Variants in ACADM observed in about 807,000 individuals in gnomAD.
The protein encoded by ACADM is acyl-CoA dehydrogenase medium chain.
In ACADM, 49 loss-of-function variants were observed where a neutral mutation model predicts 58.9. The observed-to-expected ratio is 0.83, with a 90% confidence interval of 0.66 to 1.06. The LOEUF is 1.06. Ranked by LOEUF, ACADM falls within the 50% of genes least tolerant of loss-of-function variation. ACADM has a pLI of 0.00. For synonymous variants in ACADM, 160 were observed against 157.7 expected, an observed-to-expected ratio of 1.01 and a Z score of -0.11; for missense variants, 496 against 507.0, an observed-to-expected ratio of 0.98 and a Z score of 0.21.
intron 2 of ACADM, among the ~76,000 whole-genome samples, chr1:75,732,121 C>A (rs1218183866): frequency 1.3e-5 from 2 of 151,086 alleles, no homozygotes; most frequent in Non-Finnish European, 1.5e-5. Flanking sequence ...CACTGCACTC[C>A]AGCCTGAGTG....
chr1:75,735,404 A>G (rs1647229948), intron 6 of ACADM, among the ~76,000 whole-genome samples: 1 of 150,788 alleles, frequency 6.6e-6, no homozygotes, highest in Non-Finnish European at 1.5e-5. Context: ...TGTTTTTGGG[A>G]TGTCAAAAAG....
At chr1:75,726,284 C>T (rs575165365) in intron 1 of ACADM, among the ~76,000 whole-genome samples, 1 of 151,132 alleles carries the variant, frequency 6.6e-6, no homozygotes, top group East Asian at 2.0e-4. Context: ...TAGCATATGC[C>T]TGTAATCCCA....
intron 5 of ACADM, 43 bp downstream of exon 5, chr1:75,733,671 A>G: frequency 6.9e-7 from 1 of 1,458,466 alleles, no homozygotes. Flanking sequence ...AGCTCTTGTT[A>G]ATGAGATAGT....
At chr1:75,745,050 C>T (rs1183423613) in intron 7 of ACADM, among the ~76,000 whole-genome samples, 1 of 152,114 alleles carries the variant, frequency 6.6e-6, no homozygotes, top group Non-Finnish European at 1.5e-5. Flanking sequence ...ATGCCTGAAA[C>T]CTCAGAAATA....
Position 75,742,065 on chromosome 1 carries a change from C to A in ACADM, c.599+1955C>A, listed in dbSNP as rs577131838. ...TTTAATTTGCATTTAAAATCAGTTT[C>A]TTTAAATACTTTAGTTACAAGTTCT... On this transcript the variant is annotated intron_variant, in intron 7 of 11. Transcript: ENST00000370841. Among the ~76,000 whole-genome samples, 7 of 152,202 alleles carry A rather than the reference C, an allele frequency of 4.6e-5. No homozygotes were observed. The South Asian group carries it at 1.5e-3, about 32-fold the overall frequency.
rs771978135 is a variant in ACADM, at chr1:75,761,210, A to T, written c.1034A>T (p.Asp345Val). Reference sequence around the variant, plus strand: ...TACCAGAGAGCAGCTTGGGAGGTTGATTCTGGTCGTCGAAATACCTATTAT... The same window carrying T: ...TACCAGAGAGCAGCTTGGGAGGTTGTTTCTGGTCGTCGAAATACCTATTAT... Reference protein sequence around the residue: ...MSYQRAAWEVDSGRRNTYYAS... With the variant: ...MSYQRAAWEVVSGRRNTYYAS... Residue 345 changes from aspartate to valine, a missense_variant, in exon 11 of 12, where the codon GAT becomes GTT. Physicochemically the swap from Asp to Val is radical, Grantham distance 152. Transcript: ENST00000370841. 1 of 1,614,200 alleles carries T rather than the reference A, an allele frequency of 6.2e-7. No homozygotes were observed. The highest frequency in any genetic ancestry group is 1.7e-5 in the Admixed American group (1 of 60,028).
At chr1:75,762,097 TG>T (rs780900348) in intron 11 of ACADM, among the ~76,000 whole-genome samples, 2 of 152,228 alleles carry the variant, frequency 1.3e-5, no homozygotes, top group Non-Finnish European at 2.9e-5. Flanking sequence ...CAGGTTTATG[TG>T]GTGATACTCT....
At chr1:75,758,564 G>C (rs1415303965) in intron 10 of ACADM, among the ~76,000 whole-genome samples, 1 of 152,158 alleles carries the variant, frequency 6.6e-6, no homozygotes, top group Non-Finnish European at 1.5e-5. Context: ...GGACTTGTCT[G>C]TCTAGCTAGA....
chr1:75,731,142 G>A (rs946288751), intron 2 of ACADM, among the ~76,000 whole-genome samples: 9 of 151,678 alleles, frequency 5.9e-5, no homozygotes, highest in Non-Finnish European at 1.2e-4. Flanking sequence ...AGCCGGGCGC[G>A]GTGGCAGGCA....
chr1:75,760,090 T>C (rs1247839077), intron 10 of ACADM, among the ~76,000 whole-genome samples: 1 of 151,268 alleles, frequency 6.6e-6, no homozygotes, highest in Non-Finnish European at 1.5e-5. Flanking sequence ...TGGAACAGCC[T>C]GGGCAACATA....
chr1:75,732,880 T>C lies in ACADM; in HGVS notation c.244T>C (p.Trp82Arg). The change falls in exon 4 of 12, where the codon TGG (tryptophan) becomes CGG (arginine). Residue 82 changes from tryptophan (W) to arginine (R), a missense_variant. Transcript: ENST00000370841. ...EYPVPLIRRA[W>R]ELGLMNTHIP... ...TCCAGTCCCCCTAATTAGAAGAGCC[T>C]GGGAACTTGGTTTAATGAACACACA... The C allele has an allele frequency of 6.2e-7, 1 of 1,613,964 alleles. No homozygotes were observed.
intron 1 of ACADM, among the ~76,000 whole-genome samples, chr1:75,725,492 T>C (rs915017365): frequency 1.3e-5 from 2 of 152,264 alleles, no homozygotes; most frequent in Non-Finnish European, 2.9e-5. Context: ...GCTGGTGTTA[T>C]GCAAGTTAAT....
In ACADM at chr1:75,749,764, G is replaced by C. The variant is rs76713335; in HGVS notation, c.849+205G>C. Among the ~76,000 whole-genome samples, 6,942 of 141,762 alleles carry C rather than the reference G, an allele frequency of 0.049. 257 individuals carry two copies. The highest frequency in any genetic ancestry group is 0.11 in the African/African-American group (4,158 of 37,810). The allele number at this position is 141,762 out of a possible 152,430, so 93.0% of individuals were successfully genotyped here. ...AGTCTCACTCTGTCACCAGGATGGA[G>C]TGCAGTGGTGCAATCTCAGCTCATT... is the stretch of plus-strand genomic sequence containing the variant. On this transcript the variant is annotated intron_variant, in intron 9 of 11. Transcript: ENST00000370841.
chr1:75,763,571 G>GA lies in ACADM; in HGVS notation c.*814dup, dbSNP rs565256498. On this transcript the variant is annotated 3_prime_UTR_variant, in exon 12 of 12. Coordinates refer to ENST00000370841, the MANE Select transcript of ACADM (RefSeq NM_000016.6). Reference sequence around the variant, plus strand: ...GTATATTTCTTGTATTTACTATGATGAAAAAAGGTCGTTTTAATTTTGAAT... The same window carrying GA: ...GTATATTTCTTGTATTTACTATGATGAAAAAAAGGTCGTTTTAATTTTGAAT... 8.2e-4 allele frequency: 125 copies of GA among 152,010 alleles called. No homozygotes were observed. Among genetic ancestry groups the GA allele is most frequent in the African/African-American group, 2.9e-3 (119 of 41,492 alleles). 9.4% of individuals were successfully genotyped at this position (152,010 alleles called of 1,614,324 possible).
At chr1:75,728,573 C>G in intron 2 of ACADM, 85 bp downstream of exon 2, 1 of 1,033,616 alleles carries the variant, frequency 9.7e-7, no homozygotes, top group Admixed American at 1.7e-5. Context: ...TGTAAATAAA[C>G]TTAATAATGT....
In ACADM at chr1:75,750,528, C is replaced by G. The variant is rs771550655; in HGVS notation, c.927C>G (p.Phe309Leu). ...ATKYALERKT[F>L]GKLLVEHQAI... ...AGTATGCCCTGGAAAGGAAAACTTT[C>G]GGAAAGCTACTTGTAGAGGTAATTT... The change falls in exon 10 of 12, where the codon TTC (phenylalanine) becomes TTG (leucine). Residue 309 changes from phenylalanine to leucine, a missense_variant. By Grantham distance (22) the Phe-to-Leu change is conservative. Coordinates refer to ENST00000370841, the MANE Select transcript of ACADM (RefSeq NM_000016.6). 2 of 1,611,352 alleles carry G rather than the reference C, an allele frequency of 1.2e-6. No individual in the cohort carries two copies. The highest frequency in any genetic ancestry group is 2.7e-5 in the African/African-American group (2 of 74,852).
chr1:75,726,740 T>A (rs1315097516), intron 1 of ACADM, among the ~76,000 whole-genome samples: 2 of 151,648 alleles, frequency 1.3e-5, no homozygotes, highest in Non-Finnish European at 2.9e-5. Flanking sequence ...AACGCGACTG[T>A]AAATCAGAGT....
chr1:75,754,233 A>G (rs1445453328), intron 10 of ACADM, among the ~76,000 whole-genome samples: 13 of 109,574 alleles, frequency 1.2e-4, no homozygotes, highest in Middle Eastern at 7.1e-3. Flanking sequence ...TTTGAGACGG[A>G]GTCTTACTCT....
At chr1:75,726,880 C>G (rs1385729713) in intron 1 of ACADM, among the ~76,000 whole-genome samples, 1 of 148,914 alleles carries the variant, frequency 6.7e-6, no homozygotes, top group Non-Finnish European at 1.5e-5. Flanking sequence ...TCTAGGCTCA[C>G]TGCAACCTCC....
Sources: allele counts gnomAD v4.1 joint callset (sites outside exome capture counted in the v4.1 genomes callset), GRCh38; gene constraint gnomAD v4.1.1; transcripts MANE v1.5; gene names NCBI Gene and HGNC (gene_info 2026-07-23, HGNC 2026-07-21).